The following COX5A variants were observed in gnomAD, a reference collection of about 807,000 sequenced individuals.
COX5A encodes the protein cytochrome c oxidase subunit 5A.
A neutral mutation model predicts 16.1 loss-of-function variants in COX5A; 6 were observed. The ratio of observed to expected loss-of-function variants is 0.37; its 90% CI spans 0.20 to 0.73. The LOEUF is 0.73. Ranked by LOEUF, COX5A falls within the 30% of genes least tolerant of loss-of-function variation. The pLI is 0.50. For missense variants in COX5A, 159 were observed against 194.9 expected (o/e 0.82, Z 1.10); for synonymous variants, 73 against 73.8 (o/e 0.99, Z 0.06).
chr15:74,921,184 G>A (rs2065318040), intron 4 of COX5A, among the ~76,000 whole-genome samples: 1 of 151,668 alleles, frequency 6.6e-6, no homozygotes, highest in Non-Finnish European at 1.5e-5. Context: ...GAGGCAGGCA[G>A]ATCGCGAAGT....
At chr15:74,924,701 G>C (rs962045747) in intron 3 of COX5A, among the ~76,000 whole-genome samples, 7 of 152,158 alleles carry the variant, frequency 4.6e-5, no homozygotes, top group African/African-American at 1.7e-4. Context: ...AATTAGACAT[G>C]CCCAGCAGGC....
At chr15:74,936,859 C>G (rs2065392838) in intron 1 of COX5A, among the ~76,000 whole-genome samples, 2 of 152,050 alleles carry the variant, frequency 1.3e-5, no homozygotes, top group South Asian at 4.2e-4. Flanking sequence ...GAACTCCTGA[C>G]CTCAGGTGAT....
In COX5A at chr15:74,933,419, A is replaced by ATCTATCTATC. The variant is rs1238161758; in HGVS notation, c.101-4188_101-4187insGATAGATAGA. 4.0e-3 allele frequency among the ~76,000 whole-genome samples: 574 copies of ATCTATCTATC among 143,480 alleles called. 2 individuals are homozygous for ATCTATCTATC. Among genetic ancestry groups the ATCTATCTATC allele is most frequent in the Middle Eastern group, 7.1e-3 (2 of 280 alleles). 94.1% of individuals were successfully genotyped at this position (143,480 alleles called of 152,430 possible). ...GCAAGACTCCGTCTCAAAAAAAAAA[A>ATCTATCTATC]TATCTATCTATCTATCTATCTATCT... On this transcript the variant is annotated intron_variant, in intron 1 of 4. Transcript: ENST00000322347.
chr15:74,927,272 G>A (rs982368041), intron 2 of COX5A, among the ~76,000 whole-genome samples: 2 of 152,064 alleles, frequency 1.3e-5, no homozygotes, highest in African/African-American at 4.8e-5. Context: ...TGCCACCTGG[G>A]TTCAAGTGAT....
chr15:74,921,407 CA>C (rs56979177), intron 4 of COX5A, among the ~76,000 whole-genome samples: 19,881 of 79,188 alleles, frequency 0.25, 1,710 homozygotes, highest in East Asian at 0.6. Context: ...GACTCCGTCT[CA>C]AAAAAAAAAA....
chr15:74,927,695 C>T (rs2141272004), intron 2 of COX5A, among the ~76,000 whole-genome samples: 1 of 152,080 alleles, frequency 6.6e-6, no homozygotes, highest in South Asian at 2.1e-4. Flanking sequence ...TCACTTGAAC[C>T]CAGGTGGTGG....
At chr15:74,934,716 C>CT (rs1047025230) in intron 1 of COX5A, among the ~76,000 whole-genome samples, 1 of 152,100 alleles carries the variant, frequency 6.6e-6, no homozygotes, top group Non-Finnish European at 1.5e-5. Flanking sequence ...ACATGCTTAA[C>CT]TTTTTTTAGG....
intron 1 of COX5A, among the ~76,000 whole-genome samples, chr15:74,929,434 C>T (rs1372222866): frequency 1.3e-5 from 2 of 152,154 alleles, no homozygotes; most frequent in Non-Finnish European, 2.9e-5. Context: ...AAAAGTATTA[C>T]ATAGGCATGT....
chr15:74,937,372 T>C (rs560506644), intron 1 of COX5A, among the ~76,000 whole-genome samples: 3 of 152,210 alleles, frequency 2.0e-5, no homozygotes, highest in Admixed American at 2.0e-4. Context: ...ATTTTAAACG[T>C]GGAAGAATTA....
chr15:74,934,686 T>G (rs933377682), intron 1 of COX5A, among the ~76,000 whole-genome samples: 1 of 152,172 alleles, frequency 6.6e-6, no homozygotes, highest in Admixed American at 6.6e-5. Flanking sequence ...TCTATTCTAT[T>G]AGCTATGGAC....
At position 74,920,307 on chromosome 15, in the gene COX5A, G is replaced by A. The variant is rs2065314420; in HGVS notation, c.*145C>T. ...TCAAACTCATTTCCCTTTTATTAAAGTCCAAGTTACCATTACATGGCTTGG... is the reference window on the plus strand; with the variant it reads ...TCAAACTCATTTCCCTTTTATTAAAATCCAAGTTACCATTACATGGCTTGG... On this transcript the variant is annotated 3_prime_UTR_variant, in exon 5 of 5. Coordinates refer to ENST00000322347, the MANE Select transcript of COX5A (RefSeq NM_004255.4). 1 of 648,988 alleles carries A rather than the reference G, an allele frequency of 1.5e-6. No homozygotes were observed. The highest frequency in any genetic ancestry group is 2.7e-6 in the Non-Finnish European group (1 of 367,800). The allele number at this position is 648,988 out of a possible 1,614,324, so 40.2% of individuals were successfully genotyped here.
Position 74,937,979 on chromosome 15 carries a change from G to A in COX5A, c.36C>T (p.Ala12=), listed in dbSNP as rs369373998. 3.3e-3 allele frequency: 4,028 copies of A among 1,232,822 alleles called. 3 individuals carry two copies. The highest frequency in any genetic ancestry group is 7.2e-3 in the Middle Eastern group (24 of 3,356). 76.4% of individuals were successfully genotyped at this position (1,232,822 alleles called of 1,614,324 possible). The change falls in exon 1 of 5, where the codon GCC becomes GCT. Residue 12 remains alanine, a synonymous_variant. Transcript: ENST00000322347. ...LGAALRRCAV[A]ATTRADPRGL... ...CTCGAGGGTCGGCCCGGGTGGTTGCGGCCACAGCGCAGCGGCGGAGAGCGG... is the reference window on the plus strand; with the variant it reads ...CTCGAGGGTCGGCCCGGGTGGTTGCAGCCACAGCGCAGCGGCGGAGAGCGG...
intron 1 of COX5A, among the ~76,000 whole-genome samples, chr15:74,932,722 A>G (rs1328548413): frequency 6.7e-6 from 1 of 150,318 alleles, no homozygotes; most frequent in African/African-American, 2.4e-5. Flanking sequence ...TTTGAGACAG[A>G]GTCTCACCCT....
chr15:74,937,645 G>C (rs2065397589), intron 1 of COX5A: 1 of 280,656 alleles, frequency 3.6e-6, no homozygotes, highest in Non-Finnish European at 6.7e-6. Flanking sequence ...GAAGGGGAGC[G>C]CTGCGTCCCC....
intron 1 of COX5A, among the ~76,000 whole-genome samples, chr15:74,936,649 C>T (rs550405049): frequency 5.7e-5 from 6 of 105,442 alleles, no homozygotes; most frequent in East Asian, 7.7e-4. Flanking sequence ...TTTTTTGAGA[C>T]GGAGTCTCGC....
rs1470167210 is a variant in COX5A, at chr15:74,930,288, C to T, written c.101-1056G>A. On this transcript the variant is annotated intron_variant, in intron 1 of 4. Coordinates refer to ENST00000322347, the MANE Select transcript of COX5A (RefSeq NM_004255.4). ...TAAAAATTAGCTGGGTGTGGTGGCG[C>T]GTGCCTGTAGTCCCAGCAACTCGGG... Among the ~76,000 whole-genome samples, 6 of 148,888 alleles carry T rather than the reference C, an allele frequency of 4.0e-5. No homozygotes were observed. In the East Asian group the frequency reaches 6.2e-4, roughly 15 times the overall value.
intron 4 of COX5A, among the ~76,000 whole-genome samples, chr15:74,921,791 A>C (rs1262400468): frequency 6.6e-6 from 1 of 152,164 alleles, no homozygotes; most frequent in Middle Eastern, 3.2e-3. Context: ...TTCCATTCTG[A>C]ACAACTAGTT....
In COX5A at chr15:74,923,670, A is replaced by C; in HGVS notation, c.440T>G (p.Leu147Arg). 1 of 1,609,500 alleles carries C rather than the reference A, an allele frequency of 6.2e-7. No homozygotes were observed. Among genetic ancestry groups the C allele is most frequent in the Non-Finnish European group, 8.5e-7 (1 of 1,177,570 alleles). Residue 147 changes from leucine to arginine, a missense_variant, in exon 4 of 5, where the codon CTT (leucine) becomes CGT (arginine). Physicochemically the swap from Leu to Arg is moderately radical, Grantham distance 102. Transcript: ENST00000322347. ...TACCCATGCGGTTTACACTTTGTCA[A>C]GGCCCAGTTCCTCCGGAGTGGAGAT... ...LGISTPEELGLDKV is the reference protein window; with the variant it reads ...LGISTPEELGRDKV
chr15:74,937,211 G>C (rs764710305), intron 1 of COX5A, among the ~76,000 whole-genome samples: 1 of 151,992 alleles, frequency 6.6e-6, no homozygotes, highest in South Asian at 2.1e-4. Flanking sequence ...ATTACAAAGG[G>C]GAAAAAACAC....
Sources: allele counts gnomAD v4.1 joint callset (sites outside exome capture counted in the v4.1 genomes callset), GRCh38; gene constraint gnomAD v4.1.1; transcripts MANE v1.5; gene names NCBI Gene and HGNC (gene_info 2026-07-23, HGNC 2026-07-21).